The following RASSF3 variants were observed in gnomAD, a reference collection of about 807,000 sequenced individuals.
The protein encoded by RASSF3 is Ras association domain family member 3.
In RASSF3, 19 loss-of-function variants were observed where a neutral mutation model predicts 19.9. The observed-to-expected ratio is 0.96, with a 90% confidence interval of 0.67 to 1.40. The LOEUF (loss-of-function observed/expected upper bound fraction) is 1.40. Ranked by LOEUF, RASSF3 falls within the 40% of genes most tolerant of loss-of-function variation. The pLI is 0.00. For missense variants in RASSF3, 306 were observed against 289.8 expected (o/e 1.06, Z -0.41); for synonymous variants, 110 against 104.2 (o/e 1.06, Z -0.34).
intron 2 of RASSF3, among the ~76,000 whole-genome samples, chr12:64,587,660 C>G (rs147619318): frequency 7.6e-4 from 116 of 152,286 alleles, no homozygotes; most frequent in African/African-American, 2.7e-3. Flanking sequence ...ACATATGCAT[C>G]CAATGCAGAG....
At chr12:64,660,137 C>CA (rs1220432552) in intron 1 of RASSF3, among the ~76,000 whole-genome samples, 2 of 151,812 alleles carry the variant, frequency 1.3e-5, no homozygotes, top group African/African-American at 4.8e-5. Flanking sequence ...AGGCTGATCT[C>CA]AAACTCATGG....
Position 64,684,431 on chromosome 12 carries a change from G to GTTT in RASSF3, c.112-355_112-353dup, listed in dbSNP as rs146721078. 5.6e-3 allele frequency among the ~76,000 whole-genome samples: 686 copies of GTTT among 121,440 alleles called. 15 individuals carry two copies. Among genetic ancestry groups the GTTT allele is most frequent in the African/African-American group, 0.014 (435 of 31,538 alleles). The allele number at this position is 121,440 out of a possible 152,430, so 79.7% of individuals were successfully genotyped here. The stretch of plus-strand genomic sequence containing the variant: ...TCCTGACTTATCTGTTTGTTTGTTT[G>GTTT]TTTGTTTTTTTTTTTTGAGACAGAG... On this transcript the variant is annotated intron_variant, in intron 1 of 4. Coordinates refer to ENST00000542104, the MANE Select transcript of RASSF3 (RefSeq NM_178169.4).
At chr12:64,570,428 G>C (rs1355059324) in intron 2 of RASSF3, among the ~76,000 whole-genome samples, 5 of 152,128 alleles carry the variant, frequency 3.3e-5, no homozygotes, top group African/African-American at 7.2e-5. Context: ...GGGACAAACA[G>C]AGCTGAACTC....
At chr12:64,662,255 CAAA>C (rs11331285) in intron 1 of RASSF3, among the ~76,000 whole-genome samples, 8 of 140,934 alleles carry the variant, frequency 5.7e-5, no homozygotes, top group African/African-American at 7.9e-5. Flanking sequence ...CCCGTATCTA[CAAA>C]AAAAAAAAAA....
intron 2 of RASSF3, among the ~76,000 whole-genome samples, chr12:64,571,641 T>C (rs1869521298): frequency 6.6e-6 from 1 of 152,206 alleles, no homozygotes; most frequent in South Asian, 2.1e-4. Flanking sequence ...CTTGGCAGCC[T>C]CTTCTGATCT....
At chr12:64,620,432 C>G (rs1870712507) in intron 1 of RASSF3, among the ~76,000 whole-genome samples, 1 of 152,116 alleles carries the variant, frequency 6.6e-6, no homozygotes, top group East Asian at 1.9e-4. Context: ...TTAAAGACCC[C>G]TCTTAAAACT....
intron 1 of RASSF3, among the ~76,000 whole-genome samples, chr12:64,508,569 G>A (rs910955904): frequency 2.6e-5 from 4 of 150,986 alleles, no homozygotes; most frequent in African/African-American, 9.7e-5. Context: ...ACCAAGGCAG[G>A]TATATGATTA....
At position 64,615,899 on chromosome 12, in the gene RASSF3, T is replaced by G. The variant is rs147240779; in HGVS notation, c.111+5156T>G. 4.9e-3 allele frequency among the ~76,000 whole-genome samples: 743 copies of G among 152,240 alleles called. 5 individuals carry two copies. The highest frequency in any genetic ancestry group is 0.029 in the South Asian group (142 of 4,820). On this transcript the variant is annotated intron_variant, in intron 1 of 4. Coordinates refer to ENST00000542104, the MANE Select transcript of RASSF3 (RefSeq NM_178169.4). ...CATGTTGGGCAAACTGGTCTCAAAC[T>G]CCTGACCTCAGGTGATCCACCCACC...
At chr12:64,691,731 G>GGGTTGGGAAGAGA in intron 4 of RASSF3, 152 bp downstream of exon 4, 2 of 581,256 alleles carry the variant, frequency 3.4e-6, no homozygotes, top group African/African-American at 1.9e-5. Context: ...GGAGGGCAGG[G>GGGTTGGGAAGAGA]AGAGGGAGAG....
At chr12:64,662,856 T>C (rs17100533) in intron 1 of RASSF3, among the ~76,000 whole-genome samples, 8,764 of 152,110 alleles carry the variant, frequency 0.058, 848 homozygotes, top group African/African-American at 0.2. Flanking sequence ...TGGCTGGGAA[T>C]GAGGGCTCCA....
At chr12:64,530,080 C>G (rs1352999389), upstream of RASSF3, among the ~76,000 whole-genome samples, 1 of 152,206 alleles carries the variant, frequency 6.6e-6, no homozygotes, top group East Asian at 1.9e-4. Context: ...TCCCCAGGTC[C>G]CTTTGTAATC....
At chr12:64,626,437 G>A (rs1350157524) in intron 1 of RASSF3, among the ~76,000 whole-genome samples, 7 of 133,134 alleles carry the variant, frequency 5.3e-5, no homozygotes, top group Non-Finnish European at 9.1e-5. Context: ...GCAGTGAGCC[G>A]ACATCATGCC....
chr12:64,521,692 T>A (rs1039391969), intron 1 of RASSF3, among the ~76,000 whole-genome samples: 4 of 152,188 alleles, frequency 2.6e-5, no homozygotes, highest in African/African-American at 9.7e-5. Context: ...TGCCCGTCAG[T>A]GCCATTTATT....
intron 1 of RASSF3, among the ~76,000 whole-genome samples, chr12:64,510,239 A>C (rs1250155567): frequency 1.3e-5 from 2 of 152,206 alleles, no homozygotes; most frequent in Non-Finnish European, 2.9e-5. Flanking sequence ...GTATGTGGGC[A>C]GTCAATAACT....
In RASSF3 at chr12:64,596,260, C is replaced by T. The variant is rs113830310; in HGVS notation, c.294+54555C>T. 7.8e-3 allele frequency among the ~76,000 whole-genome samples: 1,183 copies of T among 152,324 alleles called. 14 individuals are homozygous for T. Among genetic ancestry groups the T allele is most frequent in the African/African-American group, 0.027 (1,115 of 41,578 alleles). On this transcript the variant is annotated intron_variant, in intron 2 of 5. Coordinates refer to the RASSF3 transcript ENST00000637125. Reference sequence around the variant, plus strand: ...CATTCTGAAGGCTCTCGTGTATACACGTTAAATAAATTTGTTTGCCTTTTC... The same window carrying T: ...CATTCTGAAGGCTCTCGTGTATACATGTTAAATAAATTTGTTTGCCTTTTC...
intron 1 of RASSF3, among the ~76,000 whole-genome samples, chr12:64,535,995 CTTTT>C (rs11312626): frequency 8.3e-4 from 87 of 104,470 alleles, no homozygotes; most frequent in East Asian, 1.5e-3. Context: ...CCTGTTTTCA[CTTTT>C]TTTTTTTTTT....
upstream of RASSF3, among the ~76,000 whole-genome samples, chr12:64,528,727 G>A (rs1164644068): frequency 6.6e-6 from 1 of 152,196 alleles, no homozygotes; most frequent in East Asian, 1.9e-4. Flanking sequence ...CAGGGTGGGT[G>A]CTGGATAACG....
chr12:64,669,766 T>C (rs999007160), intron 1 of RASSF3, among the ~76,000 whole-genome samples: 1 of 150,750 alleles, frequency 6.6e-6, no homozygotes, highest in Non-Finnish European at 1.5e-5. Context: ...GGCCCTTTCC[T>C]CCCAGCCTCG....
chr12:64,688,422 A>C lies in RASSF3; in HGVS notation c.426A>C (p.Ala142=). Reference sequence around the variant, plus strand: ...TGACTGAGAGCCCTGCCAAGTTTGCACTTTATAAGCGTTGTCACAGGGAAG... The same window carrying C: ...TGACTGAGAGCCCTGCCAAGTTTGCCCTTTATAAGCGTTGTCACAGGGAAG... ...FLVTESPAKF[A]LYKRCHREDQ... is the part of the protein sequence containing the mutation. Residue 142 remains alanine (A), a synonymous_variant, in exon 3 of 5, where the codon GCA becomes GCC. Transcript: ENST00000542104. The C allele has an allele frequency of 6.2e-7, 1 of 1,614,160 alleles. No individual in the cohort carries two copies.
Sources: gnomAD v4.1 joint callset for allele counts (sites outside exome capture counted in the v4.1 genomes callset) on GRCh38, gnomAD v4.1.1 for gene constraint, MANE v1.5 for transcripts, NCBI Gene and HGNC (gene_info 2026-07-23, HGNC 2026-07-21) for gene names.